DCC: variants seen among roughly 807,000 people sequenced by gnomAD.
DCC encodes the protein netrin receptor DCC.
DCC carries 58 observed loss-of-function variants against 172.5 expected under a neutral mutation model. The ratio of observed to expected loss-of-function variants is 0.34; its 90% CI spans 0.27 to 0.42. DCC has a LOEUF of 0.42. Ranked by LOEUF, DCC falls within the 10% of genes least tolerant of loss-of-function variation. The pLI is 1.00. For synonymous variants in DCC, 709 were observed against 644.5 expected (o/e 1.10, Z -1.52); for missense variants, 1,740 against 1,791.0 (o/e 0.97, Z 0.51).
intron 5 of DCC, among the ~76,000 whole-genome samples, chr18:52,926,812 T>A (rs2040209445): frequency 7.4e-6 from 1 of 135,972 alleles, no homozygotes; most frequent in Non-Finnish European, 1.6e-5. Flanking sequence ...TATACATATG[T>A]GTGTGTATAT....
Position 53,427,976 on chromosome 18 carries a change from TATA to T in DCC, c.3164-7164_3164-7162del, listed in dbSNP as rs1418672670. Reference sequence around the variant, plus strand: ...TATAATATAATAATATAATATATAATATAATATAATATATTATAATAATATATA... The same window carrying T: ...TATAATATAATAATATAATATATAATATATAATATATTATAATAATATATA... On this transcript the variant is annotated intron_variant, in intron 21 of 28. Transcript: ENST00000442544. 5.2e-3 allele frequency among the ~76,000 whole-genome samples: 176 copies of T among 33,846 alleles called. 59 individuals are homozygous for T. Among genetic ancestry groups the T allele is most frequent in the Non-Finnish European group, 0.013 (150 of 11,638 alleles). The allele number at this position is 33,846 out of a possible 152,430, so 22.2% of individuals were successfully genotyped here.
chr18:52,817,989 A>G (rs1409081301), intron 2 of DCC: 2 of 152,222 alleles, frequency 1.3e-5, no homozygotes, highest in African/African-American at 4.8e-5. Context: ...ATGAAATGCT[A>G]CATGTCATTG....
intron 5 of DCC, among the ~76,000 whole-genome samples, chr18:52,941,710 A>C (rs966064108): frequency 5.9e-5 from 9 of 151,594 alleles, no homozygotes; most frequent in African/African-American, 2.0e-4. Flanking sequence ...CACCAAAGAG[A>C]CTACTATTAA....
chr18:52,343,752 T>C (rs924567084), intron 1 of DCC, among the ~76,000 whole-genome samples: 1 of 152,186 alleles, frequency 6.6e-6, no homozygotes, highest in African/African-American at 2.4e-5. Flanking sequence ...AATCTGTGAG[T>C]GTTTAATGTA....
chr18:52,587,390 A>G (rs934684381), intron 1 of DCC, among the ~76,000 whole-genome samples: 3 of 152,158 alleles, frequency 2.0e-5, no homozygotes, highest in African/African-American at 7.2e-5. Flanking sequence ...AGAACGGGTC[A>G]TCCTATCCAC....
chr18:53,328,398 A>G (rs893526483), intron 14 of DCC, among the ~76,000 whole-genome samples: 2 of 152,222 alleles, frequency 1.3e-5, no homozygotes, highest in Non-Finnish European at 2.9e-5. Context: ...GCATAACAAC[A>G]GTATCCATCA....
intron 12 of DCC, among the ~76,000 whole-genome samples, chr18:53,292,286 A>G (rs770194070): frequency 1.6e-4 from 24 of 152,284 alleles, no homozygotes; most frequent in Non-Finnish European, 2.5e-4. Context: ...GAAACCATAT[A>G]TGGTTACATA....
intron 2 of DCC, among the ~76,000 whole-genome samples, chr18:52,784,403 G>A (rs889087877): frequency 4.6e-5 from 7 of 152,146 alleles, no homozygotes; most frequent in Non-Finnish European, 1.0e-4. Context: ...TTGATGTACC[G>A]ATTCCCTCTC....
intron 1 of DCC, among the ~76,000 whole-genome samples, chr18:52,371,310 A>G (rs1217240773): frequency 6.6e-6 from 1 of 152,244 alleles, no homozygotes; most frequent in Admixed American, 6.5e-5. Flanking sequence ...TCTGGGAAAT[A>G]CCAAAGTGAA....
At chr18:52,594,303 A>C (rs1463775401) in intron 1 of DCC, among the ~76,000 whole-genome samples, 4 of 152,166 alleles carry the variant, frequency 2.6e-5, no homozygotes, top group African/African-American at 9.7e-5. Context: ...TCAGATCATC[A>C]CCATAAGCTG....
chr18:52,408,391 C>G (rs1568155740), intron 1 of DCC, among the ~76,000 whole-genome samples: 1 of 151,904 alleles, frequency 6.6e-6, no homozygotes. Context: ...TCTACAATGA[C>G]AAATGCTGAA....
At chr18:53,379,660 C>T (rs1268271050) in intron 15 of DCC, among the ~76,000 whole-genome samples, 3 of 152,168 alleles carry the variant, frequency 2.0e-5, no homozygotes, top group African/African-American at 4.8e-5. Context: ...CTGTGATCAA[C>T]GAATGTGCAT....
intron 13 of DCC, among the ~76,000 whole-genome samples, chr18:53,318,476 G>A (rs900629972): frequency 6.6e-6 from 1 of 152,144 alleles, no homozygotes; most frequent in Non-Finnish European, 1.5e-5. Context: ...GGGGTGGAGA[G>A]TTCTGTAGAT....
intron 15 of DCC, among the ~76,000 whole-genome samples, chr18:53,357,511 T>C (rs1366475693): frequency 6.6e-6 from 1 of 152,186 alleles, no homozygotes; most frequent in African/African-American, 2.4e-5. Context: ...ATAGCTGACA[T>C]ACATGAATAA....
At chr18:53,230,234 G>A (rs2056101433) in intron 12 of DCC, among the ~76,000 whole-genome samples, 1 of 152,064 alleles carries the variant, frequency 6.6e-6, no homozygotes, top group Admixed American at 6.6e-5. Flanking sequence ...CCTGCTTACT[G>A]TCTATAAACT....
chr18:53,355,409 T>A (rs1176421330), intron 15 of DCC, among the ~76,000 whole-genome samples: 1 of 152,194 alleles, frequency 6.6e-6, no homozygotes, highest in Non-Finnish European at 1.5e-5. Context: ...TCCATGAGCA[T>A]GGAACGTTCT....
intron 5 of DCC, among the ~76,000 whole-genome samples, chr18:53,009,565 C>CT (rs112501372): frequency 2.7e-5 from 4 of 150,616 alleles, no homozygotes; most frequent in Non-Finnish European, 5.9e-5. Context: ...AGTTAGGTGA[C>CT]TTTTTTTTTA....
At chr18:53,311,405 G>A (rs914334394) in intron 13 of DCC, among the ~76,000 whole-genome samples, 2 of 152,158 alleles carry the variant, frequency 1.3e-5, no homozygotes, top group Non-Finnish European at 2.9e-5. Context: ...TTACAGGCGT[G>A]AGCCACCGCA....
chr18:52,610,420 G>GA (rs1215482455), intron 1 of DCC, among the ~76,000 whole-genome samples: 5,128 of 97,888 alleles, frequency 0.052, 122 homozygotes, highest in Non-Finnish European at 0.065. Context: ...AAAAGAAAAA[G>GA]AAAAAAAAAA....
Sources: allele counts gnomAD v4.1 joint callset (sites outside exome capture counted in the v4.1 genomes callset), GRCh38; gene constraint gnomAD v4.1.1; transcripts MANE v1.5; gene names NCBI Gene and HGNC (gene_info 2026-07-23, HGNC 2026-07-21).